GALNT14: variants seen among roughly 807,000 people sequenced by gnomAD.
GALNT14 encodes the protein UDP-GalNAc:polypeptide N-acetylgalactosaminyltransferase 14.
Under a neutral mutation model 77.5 loss-of-function variants are expected in GALNT14, and 60 were observed. That is an observed-to-expected ratio of 0.77 (90% confidence interval 0.63 to 0.96). The LOEUF is 0.96. Among genes scored for constraint, GALNT14 ranks in the 40% least tolerant of loss-of-function variants. GALNT14 has a pLI of 0.00. For synonymous variants in GALNT14, 280 were observed against 281.7 expected (o/e 0.99, Z 0.06); for missense variants, 710 against 731.0 (o/e 0.97, Z 0.33).
chr2:31,032,378 C>T (rs866736283), intron 1 of GALNT14, among the ~76,000 whole-genome samples: 7 of 152,172 alleles, frequency 4.6e-5, no homozygotes, highest in Non-Finnish European at 7.3e-5. Context: ...GGAGGGAGAA[C>T]AAGAGTGGCC....
At chr2:31,054,330 C>T (rs1329906251) in intron 1 of GALNT14, among the ~76,000 whole-genome samples, 3 of 152,168 alleles carry the variant, frequency 2.0e-5, no homozygotes, top group Non-Finnish European at 2.9e-5. Context: ...CTGACTGCTA[C>T]CTGTCATTCC....
chr2:30,915,473 C>A (rs1368489476), intron 13 of GALNT14, among the ~76,000 whole-genome samples: 2 of 152,118 alleles, frequency 1.3e-5, no homozygotes, highest in Admixed American at 6.6e-5. Flanking sequence ...CTGGCCACAT[C>A]TGAAAGAGGA....
intron 2 of GALNT14, among the ~76,000 whole-genome samples, chr2:30,985,012 T>G (rs967816128): frequency 3.3e-5 from 5 of 152,146 alleles, no homozygotes; most frequent in African/African-American, 1.2e-4. Flanking sequence ...GGAATTGGTC[T>G]CATGTCCATT....
chr2:30,978,197 C>T (rs765907625), intron 2 of GALNT14, among the ~76,000 whole-genome samples: 1 of 152,230 alleles, frequency 6.6e-6, no homozygotes, highest in South Asian at 2.1e-4. Flanking sequence ...CCACAAACCT[C>T]CCTAGATTCT....
At chr2:31,007,707 C>G (rs1219664505) in intron 1 of GALNT14, among the ~76,000 whole-genome samples, 21 of 152,192 alleles carry the variant, frequency 1.4e-4, no homozygotes, top group Admixed American at 1.4e-3. Flanking sequence ...TTCACCAGAG[C>G]TGCTTTGGTT....
Position 31,030,933 on chromosome 2 carries a change from G to A in GALNT14, c.130-37926C>T, listed in dbSNP as rs79113694. Among the ~76,000 whole-genome samples the A allele has an allele frequency of 9.2e-3, 1,393 of 152,228 alleles. 27 individuals are homozygous for A. Among genetic ancestry groups the A allele is most frequent in the African/African-American group, 0.032 (1,316 of 41,512 alleles). ...TATCTGTGTATTTTGCATTCACTGGGGGGCTGAAGGATTTTGATAGCCCCA... is the reference window on the plus strand; with the variant it reads ...TATCTGTGTATTTTGCATTCACTGGAGGGCTGAAGGATTTTGATAGCCCCA... On this transcript the variant is annotated intron_variant, in intron 1 of 14. Transcript: ENST00000349752.
At chr2:31,018,624 T>C (rs1228536813) in intron 1 of GALNT14, among the ~76,000 whole-genome samples, 2 of 152,160 alleles carry the variant, frequency 1.3e-5, no homozygotes, top group African/African-American at 4.8e-5. Flanking sequence ...CCAAATCATA[T>C]CAAGAATCCA....
At chr2:31,084,851 C>A (rs949698394) in intron 1 of GALNT14, among the ~76,000 whole-genome samples, 1 of 152,034 alleles carries the variant, frequency 6.6e-6, no homozygotes, top group South Asian at 2.1e-4. Context: ...ATGGTGAAAC[C>A]CCATCTCTAC....
At chr2:30,922,722 C>A (rs1665106353) in intron 13 of GALNT14, among the ~76,000 whole-genome samples, 1 of 152,246 alleles carries the variant, frequency 6.6e-6, no homozygotes, top group African/African-American at 2.4e-5. Flanking sequence ...AAAACTCCAT[C>A]CAGGACAGAG....
chr2:31,124,121 C>T (rs1174485613), intron 1 of GALNT14, among the ~76,000 whole-genome samples: 1 of 152,200 alleles, frequency 6.6e-6, no homozygotes, highest in Non-Finnish European at 1.5e-5. Flanking sequence ...CAAACTTGAT[C>T]CAGTGACCTG....
chr2:30,907,700 A>C (rs1572945819), downstream of GALNT14, among the ~76,000 whole-genome samples: 1 of 149,938 alleles, frequency 6.7e-6, no homozygotes, highest in East Asian at 2.0e-4. Context: ...ATCCTCCCTA[A>C]CTCATTTTAT....
chr2:31,090,886 G>A (rs1676701995), intron 1 of GALNT14, among the ~76,000 whole-genome samples: 1 of 150,576 alleles, frequency 6.6e-6, no homozygotes, highest in African/African-American at 2.4e-5. Context: ...AGTAAGTAAT[G>A]CACATTTTAT....
intron 2 of GALNT14, among the ~76,000 whole-genome samples, chr2:30,980,133 C>T (rs1304213533): frequency 6.6e-6 from 1 of 152,242 alleles, no homozygotes; most frequent in Non-Finnish European, 1.5e-5. Context: ...GCCCTGCACC[C>T]AGCCCACCTT....
intron 1 of GALNT14, among the ~76,000 whole-genome samples, chr2:31,107,075 CAACA>C (rs1447075995): frequency 6.6e-6 from 1 of 152,200 alleles, no homozygotes; most frequent in Admixed American, 6.5e-5. Flanking sequence ...TGTTATATCT[CAACA>C]AACATGTTAA....
intron 1 of GALNT14, among the ~76,000 whole-genome samples, chr2:31,127,915 CAT>C (rs1213632105): frequency 2.0e-5 from 3 of 152,120 alleles, no homozygotes; most frequent in African/African-American, 7.2e-5. Context: ...TTATTCCACA[CAT>C]AGTTTTTAAA....
chr2:31,119,165 T>G (rs1030487680), intron 1 of GALNT14, among the ~76,000 whole-genome samples: 1 of 152,160 alleles, frequency 6.6e-6, no homozygotes, highest in Non-Finnish European at 1.5e-5. Context: ...CTTACGATGA[T>G]CTTTTTAATC....
At chr2:31,057,826 A>G (rs139657462) in intron 1 of GALNT14, among the ~76,000 whole-genome samples, 5 of 151,980 alleles carry the variant, frequency 3.3e-5, no homozygotes, top group Admixed American at 6.5e-5. Flanking sequence ...CTACTAACCC[A>G]TCCCCTGGCC....
intron 13 of GALNT14, among the ~76,000 whole-genome samples, chr2:30,920,660 CACAT>C (rs1664975910): frequency 6.6e-6 from 1 of 151,868 alleles, no homozygotes; most frequent in Non-Finnish European, 1.5e-5. Flanking sequence ...CACACACACA[CACAT>C]AGGCACACAT....
chr2:30,921,258 T>C (rs903925047), intron 13 of GALNT14, among the ~76,000 whole-genome samples: 1 of 152,176 alleles, frequency 6.6e-6, no homozygotes, highest in African/African-American at 2.4e-5. Context: ...TCCCCTGTTC[T>C]GCTGGAAACA....
Sources: gnomAD v4.1 joint callset for allele counts (sites outside exome capture counted in the v4.1 genomes callset) on GRCh38, gnomAD v4.1.1 for gene constraint, MANE v1.5 for transcripts, NCBI Gene and HGNC (gene_info 2026-07-23, HGNC 2026-07-21) for gene names.